RUNX1: variants seen among roughly 807,000 people sequenced by gnomAD.
RUNX1 encodes RUNX family transcription factor 1, also known as runt-related transcription factor 1.
In RUNX1, 19 loss-of-function variants were observed where a neutral mutation model predicts 42.8. The observed-to-expected ratio is 0.44, with a 90% confidence interval of 0.31 to 0.65. The LOEUF is 0.65. RUNX1 is among the 30% of genes least tolerant of loss of function. The pLI, the probability that RUNX1 is intolerant of heterozygous loss-of-function variation, is 0.07. For synonymous variants in RUNX1, 271 were observed against 289.4 expected, an observed-to-expected ratio of 0.94 and a Z score of 0.64; for missense variants, 528 against 672.0, an observed-to-expected ratio of 0.79 and a Z score of 2.37.
At chr21:34,921,572 C>T (rs747467433) in intron 2 of RUNX1, among the ~76,000 whole-genome samples, 4 of 152,178 alleles carry the variant, frequency 2.6e-5, no homozygotes, top group Non-Finnish European at 5.9e-5. Flanking sequence ...CTATTGCGAC[C>T]CATGCTGCTA....
intron 2 of RUNX1, 131 bp downstream of exon 2, chr21:35,048,711 A>T: frequency 1.3e-6 from 1 of 795,200 alleles, no homozygotes; most frequent in Non-Finnish European, 2.3e-6. Context: ...CCTCAGTTTG[A>T]ATTCCTCTCA....
intron 2 of RUNX1, among the ~76,000 whole-genome samples, chr21:34,951,926 A>G (rs185872037): frequency 5.1e-4 from 78 of 152,274 alleles, no homozygotes; most frequent in African/African-American, 1.8e-3. Flanking sequence ...ACACATGCAC[A>G]CGTATGTTTC....
In RUNX1 at chr21:34,791,202, A is replaced by G. The variant is rs559096806; in HGVS notation, c.*933T>C. ...AACAATACTTCTGGATAACCAAGCG[A>G]TCACATTACTCATTCTTTTTTTCTA... On this transcript the variant is annotated 3_prime_UTR_variant, in exon 9 of 9. Coordinates refer to ENST00000675419, the MANE Select transcript of RUNX1 (RefSeq NM_001754.5). 3.9e-4 allele frequency: 90 copies of G among 233,574 alleles called. No individual in the cohort carries two copies. Among genetic ancestry groups the G allele is most frequent in the Non-Finnish European group, 6.3e-4 (74 of 117,968 alleles). The allele number at this position is 233,574 out of a possible 1,614,324, so 14.5% of individuals were successfully genotyped here.
chr21:35,032,968 GTCTA>G (rs948988125), intron 2 of RUNX1, among the ~76,000 whole-genome samples: 1 of 152,134 alleles, frequency 6.6e-6, no homozygotes, highest in African/African-American at 2.4e-5. Context: ...CCATCTATCT[GTCTA>G]TCCATCCATC....
chr21:34,954,675 C>T (rs952345331), intron 2 of RUNX1, among the ~76,000 whole-genome samples: 1 of 152,038 alleles, frequency 6.6e-6, no homozygotes, highest in African/African-American at 2.4e-5. Flanking sequence ...TATTATAATC[C>T]CACCCACCCT....
intron 3 of RUNX1, chr21:34,887,540 G>C: frequency 8.8e-7 from 1 of 1,130,974 alleles, no homozygotes; most frequent in Non-Finnish European, 1.1e-6. Context: ...AGTAGTTAAT[G>C]CCTGTCAGTT....
intron 5 of RUNX1, 78 bp downstream of exon 5, chr21:34,880,479 C>A (rs527582542): frequency 2.2e-6 from 3 of 1,386,492 alleles, no homozygotes; most frequent in Non-Finnish European, 3.1e-6. Flanking sequence ...GATTCCATCA[C>A]AGAAATCACT....
chr21:34,964,312 C>A (rs1340087004), intron 2 of RUNX1, among the ~76,000 whole-genome samples: 1 of 151,866 alleles, frequency 6.6e-6, no homozygotes, highest in African/African-American at 2.4e-5. Context: ...CATGGTGAAA[C>A]CCCATCTCTA....
intron 6 of RUNX1, among the ~76,000 whole-genome samples, chr21:34,842,463 C>G (rs2057251341): frequency 7.9e-6 from 1 of 127,166 alleles, no homozygotes; most frequent in Non-Finnish European, 1.5e-5. Context: ...CCACTGCACT[C>G]CAGACTGGGT....
chr21:34,885,820 A>G (rs1325993940), intron 4 of RUNX1, among the ~76,000 whole-genome samples: 1 of 152,192 alleles, frequency 6.6e-6, no homozygotes, highest in Non-Finnish European at 1.5e-5. Flanking sequence ...ACGAACAGGA[A>G]ATGACCCGCA....
chr21:34,789,958 G>C lies in RUNX1; in HGVS notation c.*2177C>G. The C allele has an allele frequency of 4.3e-6, 1 of 232,994 alleles. No individual in the cohort carries two copies. Among genetic ancestry groups the C allele is most frequent in the Non-Finnish European group, 8.5e-6 (1 of 117,954 alleles). The allele number at this position is 232,994 out of a possible 1,614,324, so 14.4% of individuals were successfully genotyped here. On this transcript the variant is annotated 3_prime_UTR_variant, in exon 9 of 9. Coordinates refer to ENST00000675419, the MANE Select transcript of RUNX1 (RefSeq NM_001754.5). Reference sequence around the variant, plus strand: ...GAAAAAAAACATTTACGTTTAATTTGGGGGAAATGGGCTAATGGTGCTTTT... The same window carrying C: ...GAAAAAAAACATTTACGTTTAATTTCGGGGAAATGGGCTAATGGTGCTTTT...
In RUNX1 at chr21:34,898,862, G is replaced by A. The variant is rs143183092; in HGVS notation, c.59-5899C>T. Among the ~76,000 whole-genome samples the A allele has an allele frequency of 1.1e-3, 163 of 152,296 alleles. 1 individual carries two copies. The highest frequency in any genetic ancestry group is 1.8e-3 in the Admixed American group (28 of 15,296). ...ATAAGCTCCCAGTGTTGCCACTGCCGCTGGTTCAAGGTCTGCACTCAGAGT... is the reference window on the plus strand; with the variant it reads ...ATAAGCTCCCAGTGTTGCCACTGCCACTGGTTCAAGGTCTGCACTCAGAGT... On this transcript the variant is annotated intron_variant, in intron 2 of 8. Transcript: ENST00000675419.
chr21:34,822,362 C>A (rs573943464), intron 7 of RUNX1, among the ~76,000 whole-genome samples: 1 of 152,324 alleles, frequency 6.6e-6, no homozygotes, highest in Admixed American at 6.5e-5. Context: ...TAAATACGAG[C>A]TATCATTATT....
At chr21:34,988,655 C>T (rs1159691382) in intron 2 of RUNX1, among the ~76,000 whole-genome samples, 2 of 152,216 alleles carry the variant, frequency 1.3e-5, no homozygotes, top group African/African-American at 4.8e-5. Context: ...TCTACTGCTG[C>T]TTCCAGCTTT....
chr21:34,903,799 T>C (rs1264462863), intron 2 of RUNX1, among the ~76,000 whole-genome samples: 1 of 152,204 alleles, frequency 6.6e-6, no homozygotes, highest in African/African-American at 2.4e-5. Context: ...ACTATCAATA[T>C]CCTGCTTTCT....
chr21:34,866,754 G>A (rs930874497), intron 5 of RUNX1, among the ~76,000 whole-genome samples: 5 of 152,148 alleles, frequency 3.3e-5, no homozygotes, highest in Non-Finnish European at 5.9e-5. Context: ...AGATGTCGGC[G>A]TACTGTATAT....
At chr21:34,961,240 G>A (rs1474073285) in intron 2 of RUNX1, among the ~76,000 whole-genome samples, 1 of 152,076 alleles carries the variant, frequency 6.6e-6, no homozygotes. Context: ...CGGACGTGGT[G>A]GCATATGCCT....
intron 2 of RUNX1, among the ~76,000 whole-genome samples, chr21:34,953,751 C>T (rs2058625392): frequency 6.6e-6 from 1 of 152,174 alleles, no homozygotes; most frequent in Admixed American, 6.5e-5. Flanking sequence ...ATCCACAACT[C>T]ACTACAGTAT....
In RUNX1 at chr21:34,791,196, C is replaced by A. The variant is rs887757314; in HGVS notation, c.*939G>T. 1.3e-5 allele frequency: 3 copies of A among 233,280 alleles called. No individual in the cohort carries two copies. The highest frequency in any genetic ancestry group is 2.5e-5 in the Non-Finnish European group (3 of 117,922). 14.5% of individuals were successfully genotyped at this position (233,280 alleles called of 1,614,324 possible). ...AATGTAAACAATACTTCTGGATAACCAAGCGATCACATTACTCATTCTTTT... is the reference window on the plus strand; with the variant it reads ...AATGTAAACAATACTTCTGGATAACAAAGCGATCACATTACTCATTCTTTT... On this transcript the variant is annotated 3_prime_UTR_variant, in exon 9 of 9. Coordinates refer to ENST00000675419, the MANE Select transcript of RUNX1 (RefSeq NM_001754.5).
Sources: allele counts gnomAD v4.1 joint callset (sites outside exome capture counted in the v4.1 genomes callset), GRCh38; gene constraint gnomAD v4.1.1; transcripts MANE v1.5; gene names NCBI Gene and HGNC (gene_info 2026-07-23, HGNC 2026-07-21).